Variants in TENM2 observed in about 807,000 individuals in gnomAD.
TENM2 encodes the protein teneurin transmembrane protein 2.
In TENM2, 52 loss-of-function variants were observed where a neutral mutation model predicts 245.2. That is an observed-to-expected ratio of 0.21 (90% CI 0.17 to 0.27). The LOEUF (loss-of-function observed/expected upper bound fraction) is 0.27, where lower values mean the gene tolerates loss of function less well. Ranked by LOEUF, TENM2 falls within the 10% of genes least tolerant of loss-of-function variation. The probability of loss-of-function intolerance (pLI) is 1.00; values close to 1 mark genes in which losing one functional copy is unlikely to be tolerated. For missense variants in TENM2, 3,046 were observed against 3,666.8 expected (o/e 0.83, Z 4.37); for synonymous variants, 1,363 against 1,438.9 (o/e 0.95, Z 1.19).
the TENM2 span, among the ~76,000 whole-genome samples, chr5:167,088,211 C>T: frequency 6.6e-6 from 1 of 152,160 alleles, no homozygotes; most frequent in East Asian, 1.9e-4. Flanking sequence ...ATAATAAAGT[C>T]ATCCAAAGTG....
chr5:167,230,502 A>G, the TENM2 span, among the ~76,000 whole-genome samples: 33,191 of 152,010 alleles, frequency 0.22, 4,415 homozygotes, highest in African/African-American at 0.37. Flanking sequence ...GAGGTGAGTA[A>G]GAGATGCCTC....
intron 1 of TENM2, among the ~76,000 whole-genome samples, chr5:167,330,774 GC>G (rs1379226039): frequency 6.6e-6 from 1 of 152,114 alleles, no homozygotes; most frequent in Non-Finnish European, 1.5e-5. Flanking sequence ...GAGGTCCATA[GC>G]AATTTTCTAG....
chr5:167,040,027 C>T, the TENM2 span, among the ~76,000 whole-genome samples: 1 of 152,170 alleles, frequency 6.6e-6, no homozygotes, highest in Non-Finnish European at 1.5e-5. Context: ...ACACAGCCTT[C>T]TGTCTGGCAG....
intron 2 of TENM2, among the ~76,000 whole-genome samples, chr5:167,714,052 A>C (rs1204392072): frequency 6.6e-6 from 1 of 152,196 alleles, no homozygotes; most frequent in Non-Finnish European, 1.5e-5. Flanking sequence ...ACCCTAAAGA[A>C]GTGAGGGTCA....
At chr5:168,138,048 C>T (rs1719898074) in intron 12 of TENM2, among the ~76,000 whole-genome samples, 1 of 152,186 alleles carries the variant, frequency 6.6e-6, no homozygotes, top group African/African-American at 2.4e-5. Flanking sequence ...TAGAATGTAA[C>T]ATCTTTTCTC....
At chr5:168,051,701 T>A (rs1454102141) in intron 6 of TENM2, among the ~76,000 whole-genome samples, 1 of 152,206 alleles carries the variant, frequency 6.6e-6, no homozygotes, top group Admixed American at 6.5e-5. Flanking sequence ...ACCAGCTCCA[T>A]CACTTAGCAA....
the TENM2 span, among the ~76,000 whole-genome samples, chr5:167,105,363 CT>C: frequency 1.3e-5 from 2 of 152,152 alleles, no homozygotes; most frequent in Non-Finnish European, 2.9e-5. Flanking sequence ...TAATTAGGTT[CT>C]TTTTTCTCAT....
chr5:167,557,089 AT>A (rs1302078845), intron 2 of TENM2, among the ~76,000 whole-genome samples: 1 of 152,238 alleles, frequency 6.6e-6, no homozygotes, highest in Non-Finnish European at 1.5e-5. Context: ...TTTTCTAATC[AT>A]TTTGAGAAAA....
rs555497008 is a variant in TENM2, at chr5:167,585,253, T to A, written c.502+209780T>A. 1.9e-3 allele frequency among the ~76,000 whole-genome samples: 284 copies of A among 152,336 alleles called. 4 individuals are homozygous for A. Among genetic ancestry groups the A allele is most frequent in the African/African-American group, 6.5e-3 (269 of 41,570 alleles). On this transcript the variant is annotated intron_variant, in intron 2 of 28. Transcript: ENST00000518659. Reference sequence around the variant, plus strand: ...TGGAGGAAGATGTACACTCTTTAGATGTTTTCTTCTTAGTCTCTGATCATG... The same window carrying A: ...TGGAGGAAGATGTACACTCTTTAGAAGTTTTCTTCTTAGTCTCTGATCATG...
At chr5:167,201,643 A>T in the TENM2 span, among the ~76,000 whole-genome samples, 6 of 152,188 alleles carry the variant, frequency 3.9e-5, no homozygotes, top group Non-Finnish European at 8.8e-5. Flanking sequence ...CAGCCAGTTG[A>T]CAACTGTACT....
chr5:167,244,556 G>GT, the TENM2 span, among the ~76,000 whole-genome samples: 120 of 152,298 alleles, frequency 7.9e-4, 1 homozygote, highest in South Asian at 0.02. Flanking sequence ...GTAGCTTTCC[G>GT]TAAGTGTAGC....
intron 2 of TENM2, among the ~76,000 whole-genome samples, chr5:167,469,396 C>T (rs1485699721): frequency 6.6e-6 from 1 of 151,974 alleles, no homozygotes; most frequent in Non-Finnish European, 1.5e-5. Flanking sequence ...TTGTTATTTT[C>T]CCAAGTAAAG....
chr5:167,869,354 T>G (rs1298095272), intron 2 of TENM2, among the ~76,000 whole-genome samples: 1 of 152,160 alleles, frequency 6.6e-6, no homozygotes, highest in Non-Finnish European at 1.5e-5. Flanking sequence ...CGACTCTAGG[T>G]TGAGGAATAG....
At chr5:167,685,106 A>G (rs1445975967) in intron 2 of TENM2, among the ~76,000 whole-genome samples, 2 of 152,202 alleles carry the variant, frequency 1.3e-5, no homozygotes. Flanking sequence ...TCTTCTCATT[A>G]CTGTCGACCT....
the TENM2 span, among the ~76,000 whole-genome samples, chr5:167,229,102 G>T: frequency 6.6e-6 from 1 of 152,212 alleles, no homozygotes; most frequent in Non-Finnish European, 1.5e-5. Context: ...GAATCTGGAT[G>T]TGTGAAGTGG....
chr5:167,516,379 T>C (rs1161568953), intron 2 of TENM2, among the ~76,000 whole-genome samples: 2 of 152,172 alleles, frequency 1.3e-5, no homozygotes, highest in Non-Finnish European at 2.9e-5. Flanking sequence ...AGAAGGTTTC[T>C]AAATAGAAAC....
chr5:167,406,488 A>T (rs377336507), intron 2 of TENM2, among the ~76,000 whole-genome samples: 1 of 152,200 alleles, frequency 6.6e-6, no homozygotes, highest in East Asian at 1.9e-4. Context: ...ATGTGAATGT[A>T]TATCAGCAGA....
the TENM2 span, among the ~76,000 whole-genome samples, chr5:167,208,557 T>C: frequency 6.6e-6 from 1 of 152,348 alleles, no homozygotes; most frequent in African/African-American, 2.4e-5. Context: ...AATGCAGATA[T>C]TATCTTAGTA....
intron 12 of TENM2, among the ~76,000 whole-genome samples, chr5:168,137,920 C>G (rs998135734): frequency 6.6e-6 from 1 of 152,266 alleles, no homozygotes; most frequent in South Asian, 2.1e-4. Flanking sequence ...GAAGTGTTAT[C>G]GTATCCTAGA....
Sources: allele counts gnomAD v4.1 joint callset (sites outside exome capture counted in the v4.1 genomes callset), GRCh38; gene constraint gnomAD v4.1.1; transcripts MANE v1.5; gene names NCBI Gene and HGNC (gene_info 2026-07-23, HGNC 2026-07-21).